Variants in RALGAPA2 observed in about 807,000 individuals in gnomAD.
RALGAPA2 encodes the protein Ral GTPase activating protein catalytic subunit alpha 2.
Under a neutral mutation model 230.4 loss-of-function variants are expected in RALGAPA2, and 139 were observed. That is an observed-to-expected ratio of 0.60 (90% CI 0.53 to 0.69). RALGAPA2 has a LOEUF of 0.69. Ranked by LOEUF, RALGAPA2 falls within the 30% of genes least tolerant of loss-of-function variation. The pLI, the probability that RALGAPA2 is intolerant of heterozygous loss-of-function variation, is 0.00. For missense variants in RALGAPA2, 2,163 were observed against 2,276.0 expected, an observed-to-expected ratio of 0.95 and a Z score of 1.01; for synonymous variants, 847 against 837.8, an observed-to-expected ratio of 1.01 and a Z score of -0.19.
chr20:20,536,407 G>T (rs557378491), intron 25 of RALGAPA2, among the ~76,000 whole-genome samples: 1 of 152,096 alleles, frequency 6.6e-6, no homozygotes, highest in Non-Finnish European at 1.5e-5. Context: ...ATGATCCTTA[G>T]GTCCAATAAA....
At chr20:20,604,847 A>T (rs1428735842) in intron 15 of RALGAPA2, among the ~76,000 whole-genome samples, 1 of 152,218 alleles carries the variant, frequency 6.6e-6, no homozygotes, top group Non-Finnish European at 1.5e-5. Context: ...ATATGGGGAT[A>T]ATACAAGTAT....
intron 37 of RALGAPA2, among the ~76,000 whole-genome samples, chr20:20,460,410 T>C (rs1185146785): frequency 6.6e-6 from 1 of 152,200 alleles, no homozygotes; most frequent in East Asian, 1.9e-4. Flanking sequence ...AGCTATGACA[T>C]GTTACCTGCT....
chr20:20,660,512 G>A (rs1331621737), intron 3 of RALGAPA2, among the ~76,000 whole-genome samples: 5 of 150,928 alleles, frequency 3.3e-5, no homozygotes, highest in African/African-American at 9.8e-5. Flanking sequence ...TAATACAAAA[G>A]TACAGGCCTG....
intron 16 of RALGAPA2, among the ~76,000 whole-genome samples, chr20:20,601,001 G>A (rs899353610): frequency 7.2e-5 from 11 of 152,176 alleles, no homozygotes; most frequent in African/African-American, 2.4e-4. Flanking sequence ...TCAGGAGGCT[G>A]AGGCAGGAAA....
chr20:20,676,059 C>G (rs922283326), intron 3 of RALGAPA2, among the ~76,000 whole-genome samples, 177 bp downstream of exon 3: 4 of 151,156 alleles, frequency 2.6e-5, no homozygotes, highest in African/African-American at 7.3e-5. Flanking sequence ...AAGAAAATCA[C>G]GAGAAAATTA....
intron 38 of RALGAPA2, among the ~76,000 whole-genome samples, chr20:20,402,406 G>A (rs1307079109): frequency 2.0e-5 from 3 of 152,220 alleles, no homozygotes; most frequent in African/African-American, 7.2e-5. Flanking sequence ...ATCACTTTCT[G>A]TGTAGTGGGG....
At chr20:20,486,593 T>A (rs930134501) in intron 36 of RALGAPA2, among the ~76,000 whole-genome samples, 1 of 152,172 alleles carries the variant, frequency 6.6e-6, no homozygotes, top group Non-Finnish European at 1.5e-5. Context: ...TTGATATTTA[T>A]TCTGCTTGGT....
chr20:20,531,645 G>A, intron 27 of RALGAPA2, 42 bp downstream of exon 27: 1 of 1,443,012 alleles, frequency 6.9e-7, no homozygotes, highest in Non-Finnish European at 9.6e-7. Context: ...AAATGCCTCA[G>A]ATATGGCTTA....
chr20:20,711,933 C>A (rs1413427029), intron 1 of RALGAPA2, among the ~76,000 whole-genome samples: 1 of 151,738 alleles, frequency 6.6e-6, no homozygotes, highest in East Asian at 1.9e-4. Context: ...AGATGAGAGC[C>A]CAATTAGGTC....
chr20:20,623,711 TAGCTGCATCTA>T (rs760291256), intron 10 of RALGAPA2, among the ~76,000 whole-genome samples: 74 of 152,188 alleles, frequency 4.9e-4, no homozygotes, highest in Admixed American at 1.1e-3. Context: ...ATTCTCTCCT[TAGCTGCATCTA>T]ATCTACAATT....
At position 20,472,920 on chromosome 20, in the gene RALGAPA2, C is replaced by G. The variant is rs1434861451; in HGVS notation, c.5404G>C (p.Val1802Leu). ...AGGCTTGGCAGCAGCTTCCCACTCA[C>G]TATGGCTCCATCAAACAGAGGCCCA... ...FFGPLFDGAI[V>L]SGKLLPSLVC... Residue 1802 changes from valine (V) to leucine (L), a missense_variant, in exon 37 of 40, where the codon GTG becomes CTG. Coordinates refer to ENST00000202677, the MANE Select transcript of RALGAPA2 (RefSeq NM_020343.4). The G allele has an allele frequency of 1.9e-6, 3 of 1,612,878 alleles. No individual in the cohort carries two copies. Among genetic ancestry groups the G allele is most frequent in the East Asian group, 2.2e-5 (1 of 44,862 alleles).
chr20:20,578,740 C>T (rs149961826), intron 20 of RALGAPA2, among the ~76,000 whole-genome samples: 164 of 152,236 alleles, frequency 1.1e-3, no homozygotes, highest in Admixed American at 1.5e-3. Context: ...AACTCAAAGG[C>T]CTGAGTGAAA....
At chr20:20,432,237 G>A (rs573292882) in intron 37 of RALGAPA2, among the ~76,000 whole-genome samples, 1 of 152,210 alleles carries the variant, frequency 6.6e-6, no homozygotes, top group East Asian at 1.9e-4. Context: ...CTACAGAGAC[G>A]GATCCAAGAC....
chr20:20,677,615 T>C (rs1410033289), intron 2 of RALGAPA2, among the ~76,000 whole-genome samples: 2 of 142,618 alleles, frequency 1.4e-5, no homozygotes, highest in Non-Finnish European at 3.0e-5. Context: ...CAGCCAAGAA[T>C]CATGATTTGA....
At chr20:20,566,337 A>C (rs925267679) in intron 23 of RALGAPA2, among the ~76,000 whole-genome samples, 7 of 152,224 alleles carry the variant, frequency 4.6e-5, no homozygotes, top group Admixed American at 1.3e-4. Context: ...GACACAAAAG[A>C]AGCATTTCTG....
intron 3 of RALGAPA2, among the ~76,000 whole-genome samples, chr20:20,660,791 C>T (rs1302276617): frequency 6.6e-6 from 1 of 152,022 alleles, no homozygotes; most frequent in African/African-American, 2.4e-5. Context: ...GTAGATAGAG[C>T]CTAGACTATG....
In RALGAPA2 at chr20:20,601,760, T is replaced by A; in HGVS notation, c.2125A>T (p.Met709Leu). Residue 709 changes from methionine to leucine, a missense_variant, in exon 16 of 40, where the codon ATG (methionine) becomes TTG (leucine). Coordinates refer to ENST00000202677, the MANE Select transcript of RALGAPA2 (RefSeq NM_020343.4). ...GACGTGGTGGCACTCCTAAATCGCA[T>A]CGGTTCGGTCACATCTGGGTGGCTC... ...WRSHPDVTEP[M>L]RFRSATTSGA... is the part of the protein sequence containing the mutation. 6.2e-7 allele frequency: 1 copy of A among 1,613,888 alleles called. No individual in the cohort carries two copies. Among genetic ancestry groups the A allele is most frequent in the Non-Finnish European group, 8.5e-7 (1 of 1,179,820 alleles).
intron 36 of RALGAPA2, among the ~76,000 whole-genome samples, chr20:20,490,904 A>C (rs986197089): frequency 2.0e-5 from 3 of 150,084 alleles, no homozygotes; most frequent in Non-Finnish European, 4.4e-5. Context: ...ACTCACACTC[A>C]CTCACTCACA....
rs186556336 is a variant in RALGAPA2, at chr20:20,586,256, C to T, written c.2440-1301G>A. 2.6e-5 allele frequency among the ~76,000 whole-genome samples: 4 copies of T among 152,296 alleles called. No homozygotes were observed. The East Asian group carries it at 7.7e-4, about 29-fold the overall frequency. On this transcript the variant is annotated intron_variant, in intron 18 of 39. Transcript: ENST00000202677. ...TTCAACCCTTAAAAGTGAGCAGAAA[C>T]CAGGGCAGTGAAACGTGGCTATTGC...
Sources: gnomAD v4.1 joint callset for allele counts (sites outside exome capture counted in the v4.1 genomes callset) on GRCh38, gnomAD v4.1.1 for gene constraint, MANE v1.5 for transcripts, NCBI Gene and HGNC (gene_info 2026-07-23, HGNC 2026-07-21) for gene names.